KCNQ5: variants seen among roughly 807,000 people sequenced by gnomAD.
The protein encoded by KCNQ5 is potassium voltage-gated channel subfamily Q member 5.
In KCNQ5, 30 loss-of-function variants were observed where a neutral mutation model predicts 98.2. The observed-to-expected ratio is 0.31, with a 90% CI of 0.23 to 0.41. KCNQ5 has a LOEUF of 0.41. Ranked by LOEUF, KCNQ5 falls within the 10% of genes least tolerant of loss-of-function variation. KCNQ5 has a pLI of 1.00. For synonymous variants in KCNQ5, 458 were observed against 449.4 expected (o/e 1.02, Z -0.24); for missense variants, 835 against 1,182.5 (o/e 0.71, Z 4.31).
chr6:72,825,992 T>C (rs556753301), intron 1 of KCNQ5, among the ~76,000 whole-genome samples: 13 of 152,230 alleles, frequency 8.5e-5, no homozygotes, highest in East Asian at 1.9e-4. Flanking sequence ...ACCTTAAGCG[T>C]TGTGCCTGCA....
intron 1 of KCNQ5, among the ~76,000 whole-genome samples, chr6:72,706,906 A>G (rs1769116124): frequency 6.6e-6 from 1 of 152,190 alleles, no homozygotes; most frequent in African/African-American, 2.4e-5. Flanking sequence ...ATGCTCATTC[A>G]TATATATAAA....
intron 1 of KCNQ5, among the ~76,000 whole-genome samples, chr6:72,879,821 A>G (rs997541711): frequency 2.6e-5 from 4 of 151,970 alleles, no homozygotes; most frequent in African/African-American, 9.7e-5. Flanking sequence ...CTGTTCCAAT[A>G]TCATGTTTAG....
intron 2 of KCNQ5, among the ~76,000 whole-genome samples, chr6:73,037,386 A>AT: frequency 6.6e-6 from 1 of 151,944 alleles, no homozygotes; most frequent in East Asian, 1.9e-4. Context: ...CCAATTTCTC[A>AT]TTTTTTCCTT....
At chr6:72,815,872 T>C (rs1208522273) in intron 1 of KCNQ5, among the ~76,000 whole-genome samples, 2 of 151,970 alleles carry the variant, frequency 1.3e-5, no homozygotes, top group Non-Finnish European at 2.9e-5. Context: ...AGATGACAAG[T>C]TTAACTTGGG....
chr6:72,759,258 T>C lies in KCNQ5; in HGVS notation c.398+136671T>C, dbSNP rs1772130279. ...ATCTAAACTCAAAGACTCTGATCCATAAATTTTTGGAGCTGTAAGTCTGAG... is the reference window on the plus strand; with the variant it reads ...ATCTAAACTCAAAGACTCTGATCCACAAATTTTTGGAGCTGTAAGTCTGAG... On this transcript the variant is annotated intron_variant, in intron 1 of 13. Transcript: ENST00000370398. Among the ~76,000 whole-genome samples the C allele has an allele frequency of 2.0e-5, 3 of 152,192 alleles. 1 individual carries two copies. The highest frequency in any genetic ancestry group is 4.1e-4 in the South Asian group (2 of 4,832).
At position 72,703,961 on chromosome 6, in the gene KCNQ5, GTGCTA is replaced by G. The variant is rs533610693; in HGVS notation, c.398+81376_398+81380del. ...GGCTGCTTTTAAATACTAATATTTTGTGCTATACTTTGTGTGCCTTAAAACATTTG... is the reference window on the plus strand; with the variant it reads ...GGCTGCTTTTAAATACTAATATTTTGTACTTTGTGTGCCTTAAAACATTTG... On this transcript the variant is annotated intron_variant, in intron 1 of 13. Transcript: ENST00000370398. Among the ~76,000 whole-genome samples, 5 of 152,214 alleles carry G rather than the reference GTGCTA, an allele frequency of 3.3e-5. No homozygotes were observed. The South Asian group carries it at 1.0e-3, about 32-fold the overall frequency.
At chr6:73,157,613 G>A in intron 10 of KCNQ5, 1 of 772,470 alleles carries the variant, frequency 1.3e-6, no homozygotes, top group Non-Finnish European at 2.4e-6. Context: ...GGTAGTGGCA[G>A]CTGGGTAGGT....
At chr6:73,063,354 T>C (rs940712235) in intron 3 of KCNQ5, among the ~76,000 whole-genome samples, 1 of 152,196 alleles carries the variant, frequency 6.6e-6, no homozygotes, top group Admixed American at 6.5e-5. Context: ...CTTCAGGAGT[T>C]GGTTGCCATG....
intron 1 of KCNQ5, among the ~76,000 whole-genome samples, chr6:72,923,275 A>T (rs2150219984): frequency 6.6e-6 from 1 of 152,290 alleles, no homozygotes; most frequent in African/African-American, 2.4e-5. Context: ...AGATCATGCG[A>T]TAATTCTAGG....
intron 1 of KCNQ5, among the ~76,000 whole-genome samples, chr6:73,002,778 G>A (rs1175506636): frequency 6.6e-6 from 1 of 152,130 alleles, no homozygotes; most frequent in Non-Finnish European, 1.5e-5. Flanking sequence ...ACTGTGTGCT[G>A]ATAAAACTTT....
intron 11 of KCNQ5, among the ~76,000 whole-genome samples, chr6:73,186,346 T>G (rs1778571514): frequency 6.6e-6 from 1 of 152,250 alleles, no homozygotes; most frequent in East Asian, 1.9e-4. Context: ...TTAATGTTTT[T>G]GTTTTCAACC....
chr6:72,929,863 CACAGTCTTATG>C (rs1765612318), intron 1 of KCNQ5, among the ~76,000 whole-genome samples: 2 of 152,184 alleles, frequency 1.3e-5, no homozygotes, highest in Admixed American at 1.3e-4. Flanking sequence ...TAATATTAAA[CACAGTCTTATG>C]ACAGGAAATA....
At chr6:73,114,382 T>C (rs1562187120) in intron 7 of KCNQ5, among the ~76,000 whole-genome samples, 1 of 152,228 alleles carries the variant, frequency 6.6e-6, no homozygotes, top group East Asian at 1.9e-4. Flanking sequence ...CTTCATCATT[T>C]GGTTGGTGAG....
chr6:72,939,313 C>G (rs1008824621), intron 1 of KCNQ5, among the ~76,000 whole-genome samples: 7 of 152,188 alleles, frequency 4.6e-5, no homozygotes, highest in Non-Finnish European at 1.0e-4. Context: ...CCCACCACAG[C>G]TGGGGGCTCT....
At chr6:72,890,383 C>T (rs1218471030) in intron 1 of KCNQ5, among the ~76,000 whole-genome samples, 1 of 152,082 alleles carries the variant, frequency 6.6e-6, no homozygotes, top group African/African-American at 2.4e-5. Context: ...TACAGCAGAT[C>T]TCTAGAACTT....
chr6:73,052,007 G>A lies in KCNQ5; in HGVS notation c.616+9945G>A, dbSNP rs186388779. ...TAAGGATTACAACAAAGTGATACAGGAGATGAAAGACGAAATGGCCACTTT... is the reference window on the plus strand; with the variant it reads ...TAAGGATTACAACAAAGTGATACAGAAGATGAAAGACGAAATGGCCACTTT... On this transcript the variant is annotated intron_variant, in intron 3 of 13. Transcript: ENST00000370398. 1.8e-4 allele frequency among the ~76,000 whole-genome samples: 28 copies of A among 152,304 alleles called. No homozygotes were observed. The East Asian group carries it at 3.7e-3, about 20-fold the overall frequency.
At chr6:72,988,069 G>A (rs1363047930) in intron 1 of KCNQ5, among the ~76,000 whole-genome samples, 2 of 152,152 alleles carry the variant, frequency 1.3e-5, no homozygotes, top group African/African-American at 4.8e-5. Context: ...GGAGCCAGGA[G>A]AACAAGTGAG....
At chr6:72,876,003 C>T (rs79355720) in intron 1 of KCNQ5, among the ~76,000 whole-genome samples, 3,929 of 151,934 alleles carry the variant, frequency 0.026, 57 homozygotes, top group Middle Eastern at 0.056. Flanking sequence ...AATTATGTCA[C>T]ATGATATAAT....
chr6:72,638,493 C>T (rs2098925430), intron 1 of KCNQ5, among the ~76,000 whole-genome samples: 1 of 152,022 alleles, frequency 6.6e-6, no homozygotes, highest in Non-Finnish European at 1.5e-5. Flanking sequence ...GCCTAGACAA[C>T]CATAAATAAG....
Sources: gnomAD v4.1 joint callset for allele counts (sites outside exome capture counted in the v4.1 genomes callset) on GRCh38, gnomAD v4.1.1 for gene constraint, MANE v1.5 for transcripts, NCBI Gene and HGNC (gene_info 2026-07-23, HGNC 2026-07-21) for gene names.